TMEM132D: variants seen among roughly 807,000 people sequenced by gnomAD.
TMEM132D encodes transmembrane protein 132D.
Under a neutral mutation model 62.3 loss-of-function variants are expected in TMEM132D, and 21 were observed. The ratio of observed to expected loss-of-function variants is 0.34; its 90% CI spans 0.24 to 0.49. The LOEUF (loss-of-function observed/expected upper bound fraction) is 0.49. Among genes scored for constraint, TMEM132D ranks in the 20% least tolerant of loss-of-function variants. The pLI, the probability that TMEM132D is intolerant of heterozygous loss-of-function variation, is 0.99. For synonymous variants in TMEM132D, 621 were observed against 575.6 expected (o/e 1.08, Z -1.13); for missense variants, 1,346 against 1,402.8 (o/e 0.96, Z 0.65).
At chr12:129,359,527 GATTTT>G (rs1199970898) in intron 3 of TMEM132D, among the ~76,000 whole-genome samples, 2 of 152,124 alleles carry the variant, frequency 1.3e-5, no homozygotes, top group Non-Finnish European at 2.9e-5. Context: ...ACTAAAAATG[GATTTT>G]ATATTTTTGA....
At chr12:129,300,205 G>A (rs75293363) in intron 4 of TMEM132D, among the ~76,000 whole-genome samples, 3,912 of 152,218 alleles carry the variant, frequency 0.026, 108 homozygotes, top group Admixed American at 0.078. Context: ...GGAGTGTGTG[G>A]TCTGAATCCA....
At position 129,700,387 on chromosome 12, in the gene TMEM132D, C is replaced by T. The variant is rs1881358177; in HGVS notation, c.391G>A (p.Ala131Thr). Residue 131 changes from alanine to threonine, a missense_variant, in exon 2 of 9, where the codon GCC becomes ACC. Transcript: ENST00000422113. ...NKFSLNWKLK[A>T]HILRDKVYLS... ...TAGACTTTGTCCCGCAGGATGTGGGCTTTTAGTTTCCAGTTAAGAGAAAAT... is the reference window on the plus strand; with the variant it reads ...TAGACTTTGTCCCGCAGGATGTGGGTTTTTAGTTTCCAGTTAAGAGAAAAT... 5 of 1,614,024 alleles carry T rather than the reference C, an allele frequency of 3.1e-6. No homozygotes were observed. Among genetic ancestry groups the T allele is most frequent in the Non-Finnish European group, 4.2e-6 (5 of 1,180,048 alleles).
At chr12:129,860,735 G>A (rs890480745) in intron 1 of TMEM132D, among the ~76,000 whole-genome samples, 2 of 152,164 alleles carry the variant, frequency 1.3e-5, no homozygotes, top group Non-Finnish European at 2.9e-5. Flanking sequence ...CTGCAGGGCT[G>A]GGGAGGCCTC....
intron 4 of TMEM132D, among the ~76,000 whole-genome samples, chr12:129,223,273 T>A (rs1381086132): frequency 6.6e-6 from 1 of 151,842 alleles, no homozygotes; most frequent in Non-Finnish European, 1.5e-5. Flanking sequence ...TGATGGTTGC[T>A]ACTTCCGAGG....
intron 2 of TMEM132D, among the ~76,000 whole-genome samples, chr12:129,553,244 C>T (rs1876951837): frequency 6.6e-6 from 1 of 152,200 alleles, no homozygotes; most frequent in African/African-American, 2.4e-5. Context: ...CACTCTGCCA[C>T]AGTGGCCCGT....
intron 5 of TMEM132D, among the ~76,000 whole-genome samples, chr12:129,162,706 A>T (rs1434509560): frequency 6.6e-6 from 1 of 152,080 alleles, no homozygotes; most frequent in Non-Finnish European, 1.5e-5. Context: ...TTACCAAATG[A>T]TGTGCCATCT....
intron 3 of TMEM132D, among the ~76,000 whole-genome samples, chr12:129,441,499 C>T (rs1313418472): frequency 3.9e-5 from 6 of 152,266 alleles, no homozygotes; most frequent in Non-Finnish European, 7.4e-5. Context: ...AGACTGTTTG[C>T]GGGAGCTGGA....
chr12:129,247,690 G>T (rs1046106300), intron 4 of TMEM132D, among the ~76,000 whole-genome samples: 3 of 152,344 alleles, frequency 2.0e-5, no homozygotes, highest in Non-Finnish European at 4.4e-5. Flanking sequence ...CCCAACGAGG[G>T]TTCTGCTGTC....
intron 3 of TMEM132D, among the ~76,000 whole-genome samples, chr12:129,439,647 C>T (rs1872884573): frequency 6.6e-6 from 1 of 152,124 alleles, no homozygotes; most frequent in South Asian, 2.1e-4. Flanking sequence ...CAGGGTTTCA[C>T]CATGTTGACC....
intron 3 of TMEM132D, among the ~76,000 whole-genome samples, chr12:129,412,819 C>T (rs993330906): frequency 3.9e-5 from 6 of 152,142 alleles, no homozygotes; most frequent in Non-Finnish European, 5.9e-5. Context: ...TGTGATTGCA[C>T]TCCAGCCTGG....
intron 5 of TMEM132D, among the ~76,000 whole-genome samples, chr12:129,121,414 T>G (rs1283883188): frequency 6.6e-6 from 1 of 152,196 alleles, no homozygotes; most frequent in Non-Finnish European, 1.5e-5. Flanking sequence ...CAGCTGATTT[T>G]AAAATAGGGA....
At chr12:129,190,082 A>AGGGAGTCTCAGGCCTGCAGATGGAGGG (rs1878340994) in intron 5 of TMEM132D, among the ~76,000 whole-genome samples, 1 of 125,752 alleles carries the variant, frequency 8.0e-6, no homozygotes, top group Non-Finnish European at 1.7e-5. Context: ...CAGATGGAGG[A>AGGGAGTCTCAGGCCTGCAGATGGAGGG]AGGGAGTCTC....
intron 1 of TMEM132D, among the ~76,000 whole-genome samples, chr12:129,712,984 T>C (rs1868431792): frequency 6.6e-6 from 1 of 152,120 alleles, no homozygotes; most frequent in Admixed American, 6.5e-5. Flanking sequence ...AAGGAATTTC[T>C]ACTCCGATTT....
At chr12:129,862,354 C>A (rs114308415) in intron 1 of TMEM132D, among the ~76,000 whole-genome samples, 1 of 152,212 alleles carries the variant, frequency 6.6e-6, no homozygotes, top group African/African-American at 2.4e-5. Context: ...TGAGGATTTC[C>A]ATGCTGAAAG....
In TMEM132D at chr12:129,568,358, T is replaced by A. The variant is rs564597622; in HGVS notation, c.969-37153A>T. Among the ~76,000 whole-genome samples, 3 of 152,344 alleles carry A rather than the reference T, an allele frequency of 2.0e-5. No homozygotes were observed. In the South Asian group the frequency reaches 6.2e-4, roughly 32 times the overall value. On this transcript the variant is annotated intron_variant, in intron 2 of 8. Transcript: ENST00000422113. ...CCCCCTGGTCCATAATCCAACGCAC[T>A]GACAAACGCAATTCCCTGTGAGTGG...
intron 4 of TMEM132D, among the ~76,000 whole-genome samples, chr12:129,267,329 G>A (rs149677539): frequency 2.6e-5 from 4 of 151,992 alleles, no homozygotes; most frequent in African/African-American, 4.8e-5. Context: ...AGGCAACTTC[G>A]GCAAAGTCTC....
intron 5 of TMEM132D, among the ~76,000 whole-genome samples, chr12:129,171,199 C>T (rs934373756): frequency 3.9e-5 from 6 of 152,208 alleles, no homozygotes; most frequent in Non-Finnish European, 8.8e-5. Context: ...GAGTAGATTC[C>T]ATCTCAAGAA....
At chr12:129,577,159 A>G (rs111231952) in intron 2 of TMEM132D, among the ~76,000 whole-genome samples, 5 of 151,960 alleles carry the variant, frequency 3.3e-5, no homozygotes, top group African/African-American at 9.7e-5. Flanking sequence ...ACTAGAGATC[A>G]CTTTTTATTG....
chr12:129,305,328 C>T (rs2135630916), intron 4 of TMEM132D, among the ~76,000 whole-genome samples: 1 of 152,278 alleles, frequency 6.6e-6, no homozygotes, highest in African/African-American at 2.4e-5. Flanking sequence ...CAACACTCTC[C>T]TGTATACACA....
Sources: allele counts gnomAD v4.1 joint callset (sites outside exome capture counted in the v4.1 genomes callset), GRCh38; gene constraint gnomAD v4.1.1; transcripts MANE v1.5; gene names NCBI Gene and HGNC (gene_info 2026-07-23, HGNC 2026-07-21).